The following HACE1 variants were observed in gnomAD, a reference collection of about 807,000 sequenced individuals.
HACE1 encodes the protein E3 ubiquitin-protein ligase HACE1.
In HACE1, 73 loss-of-function variants were observed where a neutral mutation model predicts 118.4. The ratio of observed to expected loss-of-function variants is 0.62; its 90% CI spans 0.51 to 0.75. The LOEUF is 0.75. Among genes scored for constraint, HACE1 ranks in the 30% least tolerant of loss-of-function variants. The pLI is 0.00. For missense variants in HACE1, 749 were observed against 1,102.2 expected (o/e 0.68, Z 4.54); for synonymous variants, 368 against 374.8 (o/e 0.98, Z 0.21).
chr6:104,757,080 G>A (rs188146214), intron 19 of HACE1, among the ~76,000 whole-genome samples: 1 of 152,272 alleles, frequency 6.6e-6, no homozygotes, highest in Admixed American at 6.5e-5. Flanking sequence ...CTGGGCGGTG[G>A]CCACTGGAGC....
At chr6:104,854,029 T>G (rs1196758437) in intron 1 of HACE1, among the ~76,000 whole-genome samples, 1 of 152,204 alleles carries the variant, frequency 6.6e-6, no homozygotes, top group Non-Finnish European at 1.5e-5. Context: ...TCTCAAAATA[T>G]TGTGCTGTGC....
chr6:104,831,955 GAAGAGAAGAGAAGAGAAGAGAAGAGAGGA>G (rs1458017972), intron 6 of HACE1, among the ~76,000 whole-genome samples: 29 of 89,338 alleles, frequency 3.2e-4, no homozygotes, highest in African/African-American at 1.2e-3. Context: ...GAAGAGAAGA[GAAGAGAAGAGAAGAGAAGAGAAGAGAGGA>G]AGGAAGGAAG....
chr6:104,757,213 G>C (rs528586232), intron 19 of HACE1, among the ~76,000 whole-genome samples: 59 of 152,292 alleles, frequency 3.9e-4, no homozygotes, highest in African/African-American at 1.4e-3. Context: ...GAGAGCAGTG[G>C]TTCTCCCAGC....
intron 19 of HACE1, among the ~76,000 whole-genome samples, chr6:104,755,285 G>A (rs1388980313): frequency 6.6e-6 from 1 of 152,116 alleles, no homozygotes; most frequent in Non-Finnish European, 1.5e-5. Context: ...AAAAACAAGT[G>A]CTTAGAGAAC....
At chr6:104,832,891 C>A in intron 6 of HACE1, 151 bp downstream of exon 6, 1 of 703,314 alleles carries the variant, frequency 1.4e-6, no homozygotes, top group South Asian at 1.5e-5. Context: ...AAAGTGAGGC[C>A]CTGTCTCAAA....
intron 22 of HACE1, among the ~76,000 whole-genome samples, chr6:104,742,138 T>C (rs1562268506): frequency 7.5e-6 from 1 of 132,608 alleles, no homozygotes; most frequent in Non-Finnish European, 1.6e-5. Context: ...ATCTCTTCCT[T>C]ACACCTTATA....
intron 6 of HACE1, among the ~76,000 whole-genome samples, chr6:104,817,032 T>C (rs1018616328): frequency 4.6e-5 from 7 of 152,196 alleles, no homozygotes; most frequent in African/African-American, 1.7e-4. Flanking sequence ...CCACTGTATC[T>C]TGGAAGTAAC....
At chr6:104,817,330 C>T (rs1365251936) in intron 6 of HACE1, among the ~76,000 whole-genome samples, 1 of 152,076 alleles carries the variant, frequency 6.6e-6, no homozygotes, top group African/African-American at 2.4e-5. Context: ...CCTTGCTGCT[C>T]TTGTGATAGT....
At chr6:104,819,310 C>T (rs1184156152) in intron 6 of HACE1, among the ~76,000 whole-genome samples, 1 of 151,984 alleles carries the variant, frequency 6.6e-6, no homozygotes, top group Admixed American at 6.6e-5. Context: ...GAATTAAAAA[C>T]CTAGGAATAC....
intron 4 of HACE1, among the ~76,000 whole-genome samples, chr6:104,846,157 T>A (rs572092527): frequency 6.6e-6 from 1 of 152,260 alleles, no homozygotes; most frequent in South Asian, 2.1e-4. Flanking sequence ...GAGAAATATA[T>A]CCTATCTTTC....
chr6:104,757,092 C>T lies in HACE1; in HGVS notation c.2212-6620G>A, dbSNP rs533087457. ...GAACTGGGCGGTGGCCACTGGAGCT[C>T]AGCAAGGCCTACTGCCTCTCTAGAT... On this transcript the variant is annotated intron_variant, in intron 19 of 23. Transcript: ENST00000262903. Among the ~76,000 whole-genome samples, 23 of 152,274 alleles carry T rather than the reference C, an allele frequency of 1.5e-4. 1 individual carries two copies. In the South Asian group the frequency reaches 4.1e-3, roughly 27 times the overall value.
At chr6:104,735,356 C>T (rs1241344111) in intron 22 of HACE1, among the ~76,000 whole-genome samples, 2 of 152,018 alleles carry the variant, frequency 1.3e-5, no homozygotes, top group Admixed American at 6.5e-5. Context: ...GGGCCGGGTG[C>T]GGTGGCTCAC....
Position 104,796,879 on chromosome 6 carries a change from CA to C in HACE1, c.714+49del, listed in dbSNP as rs756964139. On this transcript the variant is annotated intron_variant, in intron 8 of 23. Coordinates refer to ENST00000262903, the MANE Select transcript of HACE1 (RefSeq NM_020771.4). ...GAAAAAATAATAATTTTTACCATTCCAGTTTCTATTATAAAGATAAGGGGCT... is the reference window on the plus strand; with the variant it reads ...GAAAAAATAATAATTTTTACCATTCCGTTTCTATTATAAAGATAAGGGGCT... 1.1e-4 allele frequency: 133 copies of C among 1,168,234 alleles called. No individual in the cohort carries two copies. The East Asian group carries it at 2.9e-3, about 26-fold the overall frequency. The allele number at this position is 1,168,234 out of a possible 1,614,324, so 72.4% of individuals were successfully genotyped here. A position where few individuals can be genotyped will look rare whatever the true frequency, so the allele number is the denominator to read the frequency against.
At chr6:104,762,889 C>G (rs557655686) in intron 19 of HACE1, among the ~76,000 whole-genome samples, 1 of 148,434 alleles carries the variant, frequency 6.7e-6, no homozygotes, top group African/African-American at 2.5e-5. Flanking sequence ...ACTCGGGAGG[C>G]TGAGGCAGGA....
chr6:104,754,504 A>T (rs1275817257), intron 19 of HACE1, among the ~76,000 whole-genome samples: 1 of 152,160 alleles, frequency 6.6e-6, no homozygotes, highest in Non-Finnish European at 1.5e-5. Context: ...CAAGGTCCAA[A>T]TGAAAGAAAA....
chr6:104,818,093 A>G (rs1347192488), intron 6 of HACE1, among the ~76,000 whole-genome samples: 2 of 152,216 alleles, frequency 1.3e-5, no homozygotes, highest in Admixed American at 1.3e-4. Context: ...TCACATGTCT[A>G]TTTAAATTTA....
Position 104,849,167 on chromosome 6 carries a change from G to T in HACE1, c.301C>A (p.Pro101Thr). 6.2e-7 allele frequency: 1 copy of T among 1,600,364 alleles called. No homozygotes were observed. The highest frequency in any genetic ancestry group is 1.1e-5 in the South Asian group (1 of 90,834). ...CCATTTCTTGCTGCCAAATGAAGGG[G>T]TGTACAGCCTGAAATATCTTGATAG... Reference protein sequence around the residue: ...PNYQDISGCTPLHLAARNGQK... With the variant: ...PNYQDISGCTTLHLAARNGQK... The change falls in exon 4 of 24, where the codon CCC becomes ACC. Residue 101 changes from proline to threonine, a missense_variant. Transcript: ENST00000262903.
Position 104,771,298 on chromosome 6 carries a change from C to A in HACE1, c.2106G>T (p.Leu702=). The A allele has an allele frequency of 6.2e-7, 1 of 1,611,906 alleles. No individual in the cohort carries two copies. Among genetic ancestry groups the A allele is most frequent in the Non-Finnish European group, 8.5e-7 (1 of 1,178,048 alleles). The change falls in exon 19 of 24, where the codon CTG becomes CTT. Residue 702 remains leucine (L), a synonymous_variant. Coordinates refer to ENST00000262903, the MANE Select transcript of HACE1 (RefSeq NM_020771.4). The part of the protein sequence containing the change: ...QWILDNDISD[L]GLELTFSVET... ...CAACAGAAAAAGTTAGTTCTAGACC[C>A]AGATCACTTATATCATTATCTAAAA... is the stretch of plus-strand genomic sequence containing the variant.
intron 22 of HACE1, among the ~76,000 whole-genome samples, chr6:104,740,276 A>C (rs2114470646): frequency 1.4e-5 from 2 of 147,882 alleles, no homozygotes; most frequent in African/African-American, 5.1e-5. Flanking sequence ...GCAAGAGCAA[A>C]CACATTCAAA....
Sources: allele counts gnomAD v4.1 joint callset (sites outside exome capture counted in the v4.1 genomes callset), GRCh38; gene constraint gnomAD v4.1.1; transcripts MANE v1.5; gene names NCBI Gene and HGNC (gene_info 2026-07-23, HGNC 2026-07-21).